The following AGBL1 variants were observed in gnomAD, a reference collection of about 807,000 sequenced individuals.
AGBL1 encodes cytosolic carboxypeptidase 4.
In AGBL1, 130 loss-of-function variants were observed where a neutral mutation model predicts 118.9. The observed-to-expected ratio is 1.09, with a 90% CI of 0.95 to 1.26. The LOEUF (loss-of-function observed/expected upper bound fraction) is 1.26, where lower values mean the gene tolerates loss of function less well. Ranked by LOEUF, AGBL1 falls within the 50% of genes most tolerant of loss-of-function variation. AGBL1 has a pLI of 0.00. For missense variants in AGBL1, 1,584 were observed against 1,298.1 expected (o/e 1.22, Z -3.38); for synonymous variants, 555 against 478.9 (o/e 1.16, Z -2.08).
intron 22 of AGBL1, among the ~76,000 whole-genome samples, chr15:86,859,290 T>C (rs1444512160): frequency 6.6e-6 from 1 of 152,208 alleles, no homozygotes; most frequent in Admixed American, 6.5e-5. Flanking sequence ...CAGGCAGTGA[T>C]GACCTAGACA....
At chr15:86,198,134 G>C (rs559732015) in intron 5 of AGBL1, among the ~76,000 whole-genome samples, 1 of 152,284 alleles carries the variant, frequency 6.6e-6, no homozygotes, top group African/African-American at 2.4e-5. Flanking sequence ...AAATCTAACA[G>C]AATTTGCCTT....
At chr15:86,678,600 C>A (rs2085891354) in intron 22 of AGBL1, among the ~76,000 whole-genome samples, 1 of 152,052 alleles carries the variant, frequency 6.6e-6, no homozygotes, top group African/African-American at 2.4e-5. Flanking sequence ...ATTTACCTTT[C>A]ACATTTTCTA....
At chr15:86,183,227 A>AT (rs2077577610) in intron 5 of AGBL1, among the ~76,000 whole-genome samples, 1 of 152,166 alleles carries the variant, frequency 6.6e-6, no homozygotes, top group Non-Finnish European at 1.5e-5. Context: ...AACTGCTAAA[A>AT]TTTTTGCAGT....
chr15:86,759,550 C>T (rs2077993680), intron 22 of AGBL1, among the ~76,000 whole-genome samples: 1 of 152,046 alleles, frequency 6.6e-6, no homozygotes. Flanking sequence ...AAGAATTAAT[C>T]AATGTTAATT....
chr15:86,618,366 C>A (rs1242582699), intron 21 of AGBL1, among the ~76,000 whole-genome samples: 2 of 152,100 alleles, frequency 1.3e-5, no homozygotes, highest in Non-Finnish European at 2.9e-5. Flanking sequence ...CATTACATTC[C>A]TGATGACACC....
intron 17 of AGBL1, among the ~76,000 whole-genome samples, chr15:86,298,255 A>ATATATATATATATATATATATGGTAAC (rs1567185632): frequency 5.5e-5 from 5 of 91,390 alleles, no homozygotes; most frequent in African/African-American, 1.1e-4. Flanking sequence ...TAATATATAT[A>ATATATATATATATATATATATGGTAAC]TATATATATA....
chr15:86,687,048 G>A (rs963411950), intron 22 of AGBL1, among the ~76,000 whole-genome samples: 5 of 151,966 alleles, frequency 3.3e-5, no homozygotes, highest in Admixed American at 1.3e-4. Flanking sequence ...TCCTTGCACC[G>A]GTCAGGGTTT....
At chr15:86,260,338 T>A (rs749687716) in intron 9 of AGBL1, among the ~76,000 whole-genome samples, 6 of 152,194 alleles carry the variant, frequency 3.9e-5, no homozygotes, top group Non-Finnish European at 7.3e-5. Context: ...TTAGTAAGAA[T>A]GATTAAGAGG....
chr15:86,887,541 G>T (rs147180709), intron 22 of AGBL1, among the ~76,000 whole-genome samples: 1 of 152,262 alleles, frequency 6.6e-6, no homozygotes, highest in African/African-American at 2.4e-5. Flanking sequence ...GCATGTACAG[G>T]CATTATGAGT....
intron 5 of AGBL1, among the ~76,000 whole-genome samples, chr15:86,194,456 C>G (rs1324618869): frequency 6.6e-6 from 1 of 152,192 alleles, no homozygotes; most frequent in African/African-American, 2.4e-5. Flanking sequence ...CATAACATTA[C>G]TTTCATTTTC....
At chr15:86,810,681 T>C (rs1384048920) in intron 22 of AGBL1, among the ~76,000 whole-genome samples, 1 of 152,182 alleles carries the variant, frequency 6.6e-6, no homozygotes, top group Non-Finnish European at 1.5e-5. Flanking sequence ...AGCTTGTGTG[T>C]GGCCAGTGCA....
At chr15:86,079,802 G>C (rs1394366315), upstream of AGBL1, 2 of 408,856 alleles carry the variant, frequency 4.9e-6, no homozygotes, top group Non-Finnish European at 8.4e-6. Context: ...ATTCACGCCT[G>C]TGCCGAGGTC....
chr15:86,563,024 T>C lies in AGBL1; in HGVS notation c.2994+8487T>C, dbSNP rs559656358. Among the ~76,000 whole-genome samples, 3 of 152,296 alleles carry C rather than the reference T, an allele frequency of 2.0e-5. No individual in the cohort carries two copies. In the South Asian group the frequency reaches 6.2e-4, roughly 32 times the overall value. ...TCATTTTTTATTGCGTTTATTTGAT[T>C]CTTCTCTCTTTTTTTCTTTATTAGT... is the stretch of plus-strand genomic sequence containing the variant. On this transcript the variant is annotated intron_variant, in intron 21 of 22. Coordinates refer to ENST00000614907, the MANE Select transcript of AGBL1 (RefSeq NM_001386094.1).
chr15:86,523,630 A>G (rs2083220217), intron 19 of AGBL1, among the ~76,000 whole-genome samples: 1 of 152,204 alleles, frequency 6.6e-6, no homozygotes, highest in East Asian at 1.9e-4. Context: ...CAGTTATTGC[A>G]TAAGAAAGAA....
chr15:86,418,728 G>T (rs937398127), intron 18 of AGBL1, among the ~76,000 whole-genome samples: 4 of 152,124 alleles, frequency 2.6e-5, no homozygotes, highest in Non-Finnish European at 5.9e-5. Flanking sequence ...CCTGACTTAG[G>T]ATGATTCAGA....
At chr15:86,409,928 G>A (rs1023383810) in intron 18 of AGBL1, among the ~76,000 whole-genome samples, 1 of 150,982 alleles carries the variant, frequency 6.6e-6, no homozygotes, top group Non-Finnish European at 1.5e-5. Flanking sequence ...ATAGAGGGAG[G>A]TAGATGAGCA....
At chr15:86,927,367 T>C (rs1475155406) in intron 23 of AGBL1, among the ~76,000 whole-genome samples, 2 of 150,154 alleles carry the variant, frequency 1.3e-5, no homozygotes, top group Admixed American at 1.3e-4. Context: ...GGTGGGAGGA[T>C]CACTTGAAGC....
intron 22 of AGBL1, among the ~76,000 whole-genome samples, chr15:86,898,137 A>G (rs2080157866): frequency 6.6e-6 from 1 of 152,202 alleles, no homozygotes. Context: ...ATAGCAGGAA[A>G]AAACTTCTCC....
At chr15:86,676,606 A>G (rs1193554814) in intron 22 of AGBL1, among the ~76,000 whole-genome samples, 1 of 152,090 alleles carries the variant, frequency 6.6e-6, no homozygotes, top group Non-Finnish European at 1.5e-5. Flanking sequence ...TTGTAATACA[A>G]AGAGTGTAAC....
Sources: gnomAD v4.1 joint callset for allele counts (sites outside exome capture counted in the v4.1 genomes callset) on GRCh38, gnomAD v4.1.1 for gene constraint, MANE v1.5 for transcripts, NCBI Gene and HGNC (gene_info 2026-07-23, HGNC 2026-07-21) for gene names.